Variants in CACNA2D3 observed in about 807,000 individuals in gnomAD.
The protein encoded by CACNA2D3 is voltage-dependent calcium channel subunit alpha-2/delta-3.
A neutral mutation model predicts 160.6 loss-of-function variants in CACNA2D3; 60 were observed. The ratio of observed to expected loss-of-function variants is 0.37; its 90% CI spans 0.30 to 0.46. The LOEUF (loss-of-function observed/expected upper bound fraction) is 0.46. CACNA2D3 is among the 20% of genes least tolerant of loss of function. CACNA2D3 has a pLI of 1.00. For missense variants in CACNA2D3, 1,205 were observed against 1,365.0 expected, an observed-to-expected ratio of 0.88 and a Z score of 1.85; for synonymous variants, 558 against 492.9, an observed-to-expected ratio of 1.13 and a Z score of -1.75.
chr3:54,941,801 C>T (rs376487442), intron 27 of CACNA2D3, among the ~76,000 whole-genome samples: 1 of 152,284 alleles, frequency 6.6e-6, no homozygotes, highest in East Asian at 1.9e-4. Context: ...GGGTGAGTCC[C>T]TTGGGTCTGG....
chr3:54,552,874 G>A (rs1702182508), intron 5 of CACNA2D3, among the ~76,000 whole-genome samples: 1 of 152,206 alleles, frequency 6.6e-6, no homozygotes, highest in Non-Finnish European at 1.5e-5. Flanking sequence ...TATGGCAAAA[G>A]AAAATTCTAA....
At chr3:54,732,131 A>G (rs1701401440) in intron 11 of CACNA2D3, among the ~76,000 whole-genome samples, 1 of 152,202 alleles carries the variant, frequency 6.6e-6, no homozygotes, top group South Asian at 2.1e-4. Flanking sequence ...TTAAGGGTGA[A>G]AAGTGTTTAT....
At chr3:54,828,126 G>T (rs888133099) in intron 14 of CACNA2D3, among the ~76,000 whole-genome samples, 10 of 152,296 alleles carry the variant, frequency 6.6e-5, no homozygotes, top group African/African-American at 2.4e-4. Context: ...ATTTCAGGGG[G>T]TCTTTAAACA....
intron 27 of CACNA2D3, among the ~76,000 whole-genome samples, chr3:54,900,275 C>T (rs1321005718): frequency 6.6e-6 from 1 of 152,138 alleles, no homozygotes; most frequent in African/African-American, 2.4e-5. Flanking sequence ...GTGCCCTTCT[C>T]CAGAGAGACT....
At chr3:54,404,038 C>T (rs976577678) in intron 4 of CACNA2D3, among the ~76,000 whole-genome samples, 3 of 152,144 alleles carry the variant, frequency 2.0e-5, no homozygotes, top group South Asian at 2.1e-4. Flanking sequence ...GATGGCTTTA[C>T]GGCTGAATTA....
intron 3 of CACNA2D3, among the ~76,000 whole-genome samples, chr3:54,338,104 G>A (rs1365846151): frequency 6.6e-6 from 1 of 152,224 alleles, no homozygotes; most frequent in East Asian, 1.9e-4. Context: ...GAAGTAAACA[G>A]TTCTGAAACT....
intron 3 of CACNA2D3, among the ~76,000 whole-genome samples, chr3:54,322,880 G>T (rs1319850190): frequency 3.3e-5 from 5 of 151,956 alleles, no homozygotes; most frequent in Admixed American, 2.6e-4. Context: ...AAAATAAGTT[G>T]CTCTGTTTAA....
chr3:54,985,349 A>G (rs977268634), intron 30 of CACNA2D3, among the ~76,000 whole-genome samples: 1 of 152,238 alleles, frequency 6.6e-6, no homozygotes, highest in Non-Finnish European at 1.5e-5. Context: ...TGGTACTGTA[A>G]TAGAAAAACG....
chr3:54,901,456 G>T (rs1206429860), intron 27 of CACNA2D3, among the ~76,000 whole-genome samples: 1 of 152,174 alleles, frequency 6.6e-6, no homozygotes, highest in African/African-American at 2.4e-5. Flanking sequence ...CGTGGTCTGA[G>T]CCTGAACACT....
intron 8 of CACNA2D3, among the ~76,000 whole-genome samples, chr3:54,578,207 A>G (rs1272610322): frequency 1.3e-5 from 2 of 152,232 alleles, no homozygotes; most frequent in Non-Finnish European, 2.9e-5. Context: ...AGGAAATTGC[A>G]TCTAGCTGGT....
intron 10 of CACNA2D3, chr3:54,632,626 T>G (rs1279247802): frequency 6.6e-6 from 1 of 152,196 alleles, no homozygotes; most frequent in Non-Finnish European, 1.5e-5. Context: ...TGGTTGAAGA[T>G]GGACCCTTTA....
At chr3:54,786,262 A>G (rs1055113554) in intron 13 of CACNA2D3, among the ~76,000 whole-genome samples, 2 of 152,162 alleles carry the variant, frequency 1.3e-5, no homozygotes, top group Admixed American at 1.3e-4. Flanking sequence ...ACTAACTGAC[A>G]TTTTTTTGTT....
chr3:54,637,433 G>A (rs1016596790), intron 10 of CACNA2D3, among the ~76,000 whole-genome samples: 3 of 151,882 alleles, frequency 2.0e-5, no homozygotes, highest in Non-Finnish European at 4.4e-5. Context: ...AGTCAGGGAA[G>A]CAGACAATTT....
rs558478274 is a variant in CACNA2D3, at chr3:55,044,311, A to AT, written c.2987+25999dup. ...GTATTCTATAGTTTTCAATATAATG[A>AT]TTTTTCCAGTTTTTAAAACGTTATA... On this transcript the variant is annotated intron_variant, in intron 35 of 37. Transcript: ENST00000474759. 1.6e-4 allele frequency among the ~76,000 whole-genome samples: 24 copies of AT among 152,122 alleles called. No individual in the cohort carries two copies. The South Asian group carries it at 4.6e-3, about 29-fold the overall frequency.
chr3:54,704,162 T>A (rs950887495), intron 11 of CACNA2D3, among the ~76,000 whole-genome samples: 9 of 152,288 alleles, frequency 5.9e-5, no homozygotes, highest in Non-Finnish European at 1.2e-4. Context: ...GTATTGCCAA[T>A]GCAAATGCAG....
chr3:54,497,195 G>T lies in CACNA2D3; in HGVS notation c.382-6297G>T, dbSNP rs561121685. The stretch of plus-strand genomic sequence containing the variant: ...TTCATTGAATTTGTAGATCACTTTG[G>T]GAAGAACTTGCGTCATAAAATAGAA... On this transcript the variant is annotated intron_variant, in intron 4 of 37. Transcript: ENST00000474759. Among the ~76,000 whole-genome samples, 11 of 151,884 alleles carry T rather than the reference G, an allele frequency of 7.2e-5. No homozygotes were observed. The South Asian group carries it at 8.3e-4, about 11-fold the overall frequency.
chr3:54,860,301 C>G (rs974165834), intron 17 of CACNA2D3, among the ~76,000 whole-genome samples: 1 of 152,160 alleles, frequency 6.6e-6, no homozygotes, highest in African/African-American at 2.4e-5. Flanking sequence ...GAAATGTATC[C>G]TGAATATTAG....
chr3:54,142,040 A>C (rs1289996916), intron 2 of CACNA2D3, among the ~76,000 whole-genome samples: 1 of 152,214 alleles, frequency 6.6e-6, no homozygotes, highest in Non-Finnish European at 1.5e-5. Context: ...TCATGACCTG[A>C]AGACCTGCTC....
chr3:54,972,243 A>G (rs1269965964), intron 29 of CACNA2D3, among the ~76,000 whole-genome samples: 1 of 152,174 alleles, frequency 6.6e-6, no homozygotes, highest in East Asian at 1.9e-4. Flanking sequence ...TAAGCCTTGA[A>G]GTTGCCCTGA....
Sources: allele counts gnomAD v4.1 joint callset (sites outside exome capture counted in the v4.1 genomes callset), GRCh38; gene constraint gnomAD v4.1.1; transcripts MANE v1.5; gene names NCBI Gene and HGNC (gene_info 2026-07-23, HGNC 2026-07-21).